The following FAM171A1 variants were observed in gnomAD, a reference collection of about 807,000 sequenced individuals.
The protein encoded by FAM171A1 is family with sequence similarity 171 member A1.
Under a neutral mutation model 74.9 loss-of-function variants are expected in FAM171A1, and 23 were observed. The observed-to-expected ratio is 0.31, with a 90% CI of 0.22 to 0.44. FAM171A1 has a LOEUF of 0.44. Among genes scored for constraint, FAM171A1 ranks in the 20% least tolerant of loss-of-function variants. The probability of loss-of-function intolerance (pLI) is 1.00; values close to 1 mark genes in which losing one functional copy is unlikely to be tolerated. For synonymous variants in FAM171A1, 527 were observed against 505.7 expected, an observed-to-expected ratio of 1.04 and a Z score of -0.57; for missense variants, 1,162 against 1,159.2, an observed-to-expected ratio of 1.00 and a Z score of -0.03.
intron 3 of FAM171A1, among the ~76,000 whole-genome samples, chr10:15,265,711 G>A (rs896819013): frequency 4.0e-5 from 6 of 151,142 alleles, no homozygotes; most frequent in African/African-American, 1.5e-4. Context: ...CTCATTGGGT[G>A]TCTACCATTG....
intron 5 of FAM171A1, among the ~76,000 whole-genome samples, chr10:15,223,464 C>A (rs138460271): frequency 6.6e-6 from 1 of 152,208 alleles, no homozygotes; most frequent in East Asian, 1.9e-4. Context: ...TTAGGCTAAA[C>A]GGGACCCAGA....
chr10:15,344,489 T>C (rs965770502), intron 1 of FAM171A1, among the ~76,000 whole-genome samples: 1 of 152,206 alleles, frequency 6.6e-6, no homozygotes, highest in African/African-American at 2.4e-5. Flanking sequence ...AAGGCTGCAG[T>C]GACCAAAACT....
chr10:15,335,804 T>A (rs1451038212), intron 1 of FAM171A1, among the ~76,000 whole-genome samples: 3 of 152,132 alleles, frequency 2.0e-5, no homozygotes, highest in African/African-American at 7.2e-5. Context: ...GGAGTAAAAA[T>A]GTGTGTATAC....
intron 1 of FAM171A1, among the ~76,000 whole-genome samples, chr10:15,320,648 A>G (rs1233224380): frequency 6.6e-6 from 1 of 152,078 alleles, no homozygotes; most frequent in Non-Finnish European, 1.5e-5. Flanking sequence ...TGACTTTTTA[A>G]TAATAGCCAT....
intron 1 of FAM171A1, among the ~76,000 whole-genome samples, chr10:15,362,234 T>C (rs947808599): frequency 6.6e-6 from 1 of 152,186 alleles, no homozygotes; most frequent in Non-Finnish European, 1.5e-5. Flanking sequence ...ACGATGAAAA[T>C]CACTAAAGCA....
At chr10:15,275,510 T>A (rs957407689) in intron 3 of FAM171A1, among the ~76,000 whole-genome samples, 1 of 152,050 alleles carries the variant, frequency 6.6e-6, no homozygotes, top group Admixed American at 6.6e-5. Flanking sequence ...TTGGCCAGGC[T>A]GGTCTCCAAT....
chr10:15,268,339 G>T (rs951347891), intron 3 of FAM171A1, among the ~76,000 whole-genome samples: 4 of 152,180 alleles, frequency 2.6e-5, no homozygotes, highest in African/African-American at 9.7e-5. Flanking sequence ...TGCAGTGCCT[G>T]AGGGGACATG....
intron 5 of FAM171A1, among the ~76,000 whole-genome samples, chr10:15,244,291 G>T (rs1208696947): frequency 6.6e-6 from 1 of 152,184 alleles, no homozygotes; most frequent in Non-Finnish European, 1.5e-5. Flanking sequence ...GGAGGCGGAG[G>T]TTGTAGTGAG....
intron 1 of FAM171A1, among the ~76,000 whole-genome samples, chr10:15,318,469 G>T (rs534225498): frequency 6.6e-6 from 1 of 152,314 alleles, no homozygotes; most frequent in East Asian, 1.9e-4. Flanking sequence ...TTGGCCTCTT[G>T]CAGAGAAATG....
intron 4 of FAM171A1, 56 bp downstream of exon 4, chr10:15,254,665 C>T: frequency 1.3e-6 from 2 of 1,574,188 alleles, no homozygotes; most frequent in East Asian, 2.3e-5. Flanking sequence ...CTAAAATCCA[C>T]ATGTAAAGAC....
intron 1 of FAM171A1, among the ~76,000 whole-genome samples, chr10:15,364,351 T>C (rs1836033331): frequency 6.6e-6 from 1 of 152,198 alleles, no homozygotes; most frequent in South Asian, 2.1e-4. Flanking sequence ...GGAAAACAGT[T>C]ATTCTGGTGA....
chr10:15,372,270 C>G (rs529386536), upstream of FAM171A1, among the ~76,000 whole-genome samples: 18 of 152,270 alleles, frequency 1.2e-4, no homozygotes, highest in African/African-American at 2.9e-4. Flanking sequence ...ATTATCCCCC[C>G]CATTCACAGA....
chr10:15,235,632 T>C (rs1419231111), intron 5 of FAM171A1, among the ~76,000 whole-genome samples: 2 of 152,208 alleles, frequency 1.3e-5, no homozygotes, highest in Non-Finnish European at 1.5e-5. Context: ...TGTCCTATTC[T>C]ATCCAACAGT....
At chr10:15,251,702 G>A (rs1003011220) in intron 4 of FAM171A1, among the ~76,000 whole-genome samples, 3 of 151,964 alleles carry the variant, frequency 2.0e-5, no homozygotes, top group Admixed American at 6.6e-5. Context: ...GTGAGCCATC[G>A]CGCCTGGCCT....
chr10:15,326,139 C>T (rs1724484710), intron 1 of FAM171A1, among the ~76,000 whole-genome samples: 1 of 152,122 alleles, frequency 6.6e-6, no homozygotes, highest in Non-Finnish European at 1.5e-5. Context: ...TTTTATGTTC[C>T]ATTAATAACT....
intron 5 of FAM171A1, among the ~76,000 whole-genome samples, chr10:15,237,083 G>C (rs1834300668): frequency 6.6e-6 from 1 of 152,180 alleles, no homozygotes; most frequent in Admixed American, 6.5e-5. Flanking sequence ...AACTAAGAGG[G>C]CCTTGAGGCT....
intron 5 of FAM171A1, among the ~76,000 whole-genome samples, chr10:15,242,515 G>A (rs1001232647): frequency 6.6e-5 from 10 of 152,232 alleles, no homozygotes; most frequent in African/African-American, 9.6e-5. Flanking sequence ...GGCCGGGCGC[G>A]TTGGCTCACG....
At chr10:15,263,867 CTAT>C (rs2131780699) in intron 3 of FAM171A1, among the ~76,000 whole-genome samples, 1 of 141,834 alleles carries the variant, frequency 7.1e-6, no homozygotes, top group South Asian at 2.2e-4. Context: ...ATCTATCTAT[CTAT>C]CTATCTATCT....
intron 7 of FAM171A1, 106 bp from the exon 8 acceptor site, chr10:15,214,707 A>G: frequency 7.0e-7 from 1 of 1,425,760 alleles, no homozygotes; most frequent in Non-Finnish European, 9.2e-7. Context: ...GGGGAGAGAC[A>G]AAACAAAACA....
Sources: gnomAD v4.1 joint callset for allele counts (sites outside exome capture counted in the v4.1 genomes callset) on GRCh38, gnomAD v4.1.1 for gene constraint, MANE v1.5 for transcripts, NCBI Gene and HGNC (gene_info 2026-07-23, HGNC 2026-07-21) for gene names.